NELL1: variants seen among roughly 807,000 people sequenced by gnomAD.
NELL1 encodes the protein protein kinase C-binding protein NELL1.
A neutral mutation model predicts 107.4 loss-of-function variants in NELL1; 76 were observed. That is an observed-to-expected ratio of 0.71 (90% confidence interval 0.59 to 0.86). The LOEUF (loss-of-function observed/expected upper bound fraction) is 0.86, where lower values mean the gene tolerates loss of function less well. Among genes scored for constraint, NELL1 ranks in the 40% least tolerant of loss-of-function variants. The pLI, the probability that NELL1 is intolerant of heterozygous loss-of-function variation, is 0.00. For missense variants in NELL1, 1,024 were observed against 1,005.5 expected, an observed-to-expected ratio of 1.02 and a Z score of -0.25; for synonymous variants, 353 against 341.2, an observed-to-expected ratio of 1.03 and a Z score of -0.38.
intron 12 of NELL1, among the ~76,000 whole-genome samples, chr11:20,963,926 A>C (rs1407706122): frequency 6.6e-6 from 1 of 152,130 alleles, no homozygotes; most frequent in Non-Finnish European, 1.5e-5. Flanking sequence ...TAACTTCCTA[A>C]GGTAGAAGCA....
chr11:21,456,872 A>C (rs1252287598), intron 15 of NELL1, among the ~76,000 whole-genome samples: 5 of 138,568 alleles, frequency 3.6e-5, no homozygotes, highest in Non-Finnish European at 6.1e-5. Context: ...CAGACCAAAA[A>C]AGAGAAGTTT....
At chr11:21,301,266 G>T (rs1307846101) in intron 14 of NELL1, among the ~76,000 whole-genome samples, 2 of 152,102 alleles carry the variant, frequency 1.3e-5, no homozygotes, top group African/African-American at 4.8e-5. Context: ...ACCCAGTAAT[G>T]GGATGGCTGG....
chr11:20,818,664 A>G (rs1018630170), intron 3 of NELL1, among the ~76,000 whole-genome samples: 3 of 152,028 alleles, frequency 2.0e-5, no homozygotes, highest in African/African-American at 7.3e-5. Flanking sequence ...ATATGTTGAG[A>G]TTGATGTAAT....
At chr11:20,732,351 C>A (rs1855666229) in intron 2 of NELL1, among the ~76,000 whole-genome samples, 1 of 152,164 alleles carries the variant, frequency 6.6e-6, no homozygotes, top group South Asian at 2.1e-4. Context: ...CTTTTCATGG[C>A]CTCAGTTGCC....
chr11:20,914,694 C>A (rs1043594442), intron 5 of NELL1, among the ~76,000 whole-genome samples: 6 of 151,938 alleles, frequency 3.9e-5, no homozygotes, highest in Non-Finnish European at 8.8e-5. Flanking sequence ...TGGTTGGGGG[C>A]TTAGAACTTT....
At chr11:21,455,290 G>C (rs1359013002) in intron 15 of NELL1, among the ~76,000 whole-genome samples, 2 of 137,420 alleles carry the variant, frequency 1.5e-5, no homozygotes, top group Non-Finnish European at 1.6e-5. Context: ...TTTTTATCTG[G>C]TGGCTATTTC....
In NELL1 at chr11:20,969,348, T is replaced by A. The variant is rs115402042; in HGVS notation, c.1300+8788T>A. Among the ~76,000 whole-genome samples, 865 of 152,298 alleles carry A rather than the reference T, an allele frequency of 5.7e-3. 12 individuals are homozygous for A. Among genetic ancestry groups the A allele is most frequent in the African/African-American group, 0.02 (821 of 41,562 alleles). On this transcript the variant is annotated intron_variant, in intron 12 of 19. Transcript: ENST00000357134. ...GAGTTTTGTGCTAGAAAGAAAGCAA[T>A]TCATGGAACAAGCTTACACACATTT...
intron 15 of NELL1, among the ~76,000 whole-genome samples, chr11:21,427,430 A>G (rs1456053791): frequency 1.3e-5 from 2 of 152,238 alleles, no homozygotes; most frequent in Non-Finnish European, 2.9e-5. Flanking sequence ...TTTTACAGCG[A>G]ACTTCAACTT....
At chr11:21,338,119 G>A (rs1850478747) in intron 14 of NELL1, among the ~76,000 whole-genome samples, 1 of 151,988 alleles carries the variant, frequency 6.6e-6, no homozygotes, top group Admixed American at 6.6e-5. Context: ...TTTCCGTCCT[G>A]TGAGAGAGAT....
chr11:20,865,533 T>A (rs1564940644), intron 4 of NELL1, among the ~76,000 whole-genome samples: 1 of 148,988 alleles, frequency 6.7e-6, no homozygotes, highest in Non-Finnish European at 1.5e-5. Flanking sequence ...ATGGGCTGCA[T>A]CTGTGGGCTT....
intron 3 of NELL1, among the ~76,000 whole-genome samples, chr11:20,786,735 G>A (rs1264318137): frequency 4.6e-5 from 7 of 151,958 alleles, no homozygotes; most frequent in African/African-American, 1.2e-4. Flanking sequence ...GAGGCCAGGC[G>A]CGGTGGTTTA....
chr11:21,223,707 C>T (rs959010007), intron 13 of NELL1, among the ~76,000 whole-genome samples: 1 of 151,738 alleles, frequency 6.6e-6, no homozygotes, highest in African/African-American at 2.4e-5. Flanking sequence ...ATGTGTGATC[C>T]CATTCTCTTT....
intron 11 of NELL1, among the ~76,000 whole-genome samples, chr11:20,953,128 A>G (rs201139349): frequency 6.6e-6 from 1 of 152,200 alleles, no homozygotes; most frequent in East Asian, 1.9e-4. Context: ...CACATGGAAT[A>G]TGCTGCCCTC....
At chr11:20,965,217 C>T (rs1431047262) in intron 12 of NELL1, among the ~76,000 whole-genome samples, 1 of 152,154 alleles carries the variant, frequency 6.6e-6, no homozygotes, top group Non-Finnish European at 1.5e-5. Flanking sequence ...AGTTATAAAG[C>T]AATGTTTTGT....
At chr11:20,692,496 C>T (rs1223527535) in intron 2 of NELL1, among the ~76,000 whole-genome samples, 16 of 151,410 alleles carry the variant, frequency 1.1e-4, no homozygotes, top group Non-Finnish European at 1.8e-4. Flanking sequence ...TCTTTGTTCT[C>T]GTTGGTTTCA....
chr11:21,185,674 C>T (rs371958194), intron 13 of NELL1, among the ~76,000 whole-genome samples: 2 of 151,858 alleles, frequency 1.3e-5, no homozygotes, highest in African/African-American at 4.9e-5. Context: ...AATTGAGATC[C>T]TGCTTCCCAG....
At chr11:21,019,508 T>C (rs1852649097) in intron 12 of NELL1, among the ~76,000 whole-genome samples, 1 of 152,068 alleles carries the variant, frequency 6.6e-6, no homozygotes, top group Admixed American at 6.6e-5. Flanking sequence ...GTGTATCTTA[T>C]TGGTTCTCAA....
At chr11:21,253,693 G>A (rs1858695828) in intron 14 of NELL1, among the ~76,000 whole-genome samples, 1 of 152,036 alleles carries the variant, frequency 6.6e-6, no homozygotes, top group Non-Finnish European at 1.5e-5. Flanking sequence ...AGACAAATTG[G>A]GATAGAACAT....
intron 12 of NELL1, among the ~76,000 whole-genome samples, chr11:20,962,398 C>G (rs1198986309): frequency 6.6e-6 from 1 of 152,096 alleles, no homozygotes; most frequent in South Asian, 2.1e-4. Flanking sequence ...CAGGGATAGA[C>G]GTCGAACAAT....
Sources: gnomAD v4.1 joint callset for allele counts (sites outside exome capture counted in the v4.1 genomes callset) on GRCh38, gnomAD v4.1.1 for gene constraint, MANE v1.5 for transcripts, NCBI Gene and HGNC (gene_info 2026-07-23, HGNC 2026-07-21) for gene names.